The following ANKAR variants were observed in gnomAD, a reference collection of about 807,000 sequenced individuals.
ANKAR encodes ankyrin and armadillo repeat containing, also known as ankyrin and armadillo repeat-containing protein.
ANKAR carries 136 observed loss-of-function variants against 146.2 expected under a neutral mutation model. The ratio of observed to expected loss-of-function variants is 0.93; its 90% CI spans 0.81 to 1.07. The LOEUF is 1.07. ANKAR is among the 50% of genes least tolerant of loss of function. The probability of loss-of-function intolerance (pLI) is 0.00; values close to 1 mark genes in which losing one functional copy is unlikely to be tolerated. For synonymous variants in ANKAR, 500 were observed against 575.8 expected, an observed-to-expected ratio of 0.87 and a Z score of 1.88; for missense variants, 1,567 against 1,679.9, an observed-to-expected ratio of 0.93 and a Z score of 1.18.
At chr2:189,748,290 A>G (rs1187339228), downstream of ANKAR, among the ~76,000 whole-genome samples, 2 of 152,018 alleles carry the variant, frequency 1.3e-5, no homozygotes, top group East Asian at 1.9e-4. Flanking sequence ...GTAGCCTATA[A>G]CTCCTGGGTT....
rs971703420 is a variant in ANKAR, at chr2:189,702,293, A to G, written c.1709-2730A>G. On this transcript the variant is annotated intron_variant, in intron 7 of 22. Coordinates refer to ENST00000684021, the MANE Select transcript of ANKAR (RefSeq NM_001378068.1). ...GGAAGTATGAGGGGATTTTTCTTCA[A>G]TATTCACTGTGAGGACTTGATAAAA... 3.3e-5 allele frequency among the ~76,000 whole-genome samples: 5 copies of G among 152,154 alleles called. 1 individual carries two copies. The highest frequency in any genetic ancestry group is 7.4e-5 in the Non-Finnish European group (5 of 68,016).
chr2:189,727,928 TA>T lies in ANKAR; in HGVS notation c.2709del (p.Ile903MetfsTer23). 2 of 1,614,082 alleles carry T rather than the reference TA, an allele frequency of 1.2e-6. No homozygotes were observed. Among genetic ancestry groups the T allele is most frequent in the Non-Finnish European group, 1.7e-6 (2 of 1,179,978 alleles). Reference sequence around the variant, plus strand: ...GACAATAAGGAAATTCAGGATGCTATAGCTATGGAGGGAGCGATTCCTCCTC... The same window carrying T: ...GACAATAAGGAAATTCAGGATGCTATGCTATGGAGGGAGCGATTCCTCCTC... The part of the protein sequence containing the change: ...GRDNKEIQDA[I>X]AMEGAIPPLV... On this transcript the variant is annotated frameshift_variant, in exon 13 of 23. Transcript: ENST00000684021. LOFTEE classifies it high-confidence loss of function.
At chr2:189,744,819 C>T (rs1157607967) in intron 22 of ANKAR, 31 bp downstream of exon 22, 4 of 1,470,112 alleles carry the variant, frequency 2.7e-6, no homozygotes, top group African/African-American at 1.4e-5. Flanking sequence ...CTATGAAGTA[C>T]CTTCTAGCCC....
At chr2:189,719,478 C>T (rs2040983870) in intron 10 of ANKAR, 94 bp from the exon 11 acceptor site, 2 of 947,912 alleles carry the variant, frequency 2.1e-6, no homozygotes, top group South Asian at 3.2e-5. Flanking sequence ...ATTGCAATGC[C>T]CATAAATATT....
chr2:189,693,256 C>T, intron 5 of ANKAR, 79 bp downstream of exon 5: 1 of 897,558 alleles, frequency 1.1e-6, no homozygotes, highest in Non-Finnish European at 1.8e-6. Flanking sequence ...TGACAAAATG[C>T]AAAGGTTAAT....
chr2:189,715,598 C>T (rs2040354100), intron 10 of ANKAR, among the ~76,000 whole-genome samples: 1 of 152,192 alleles, frequency 6.6e-6, no homozygotes, highest in South Asian at 2.1e-4. Context: ...ATGAGGCCAG[C>T]ATCATCCTGA....
At chr2:189,761,496 T>G (rs761016322), downstream of ANKAR, 31 of 1,613,276 alleles carry the variant, frequency 1.9e-5, no homozygotes, top group Admixed American at 4.0e-4. Context: ...GCAGCTGCTG[T>G]ATCATCACAA....
intron 14 of ANKAR, 35 bp from the exon 15 acceptor site, chr2:189,728,625 G>T: frequency 6.2e-7 from 1 of 1,604,422 alleles, no homozygotes; most frequent in South Asian, 1.1e-5. Flanking sequence ...CAGGGCACTG[G>T]AGTATCATAC....
At chr2:189,762,714 T>C (rs940407854), downstream of ANKAR, 7 of 985,268 alleles carry the variant, frequency 7.1e-6, no homozygotes, top group African/African-American at 1.7e-5. Context: ...AGCTAGCACT[T>C]GTCTCCTTTC....
At chr2:189,692,142 A>G (rs912395432) in intron 3 of ANKAR, 113 bp from the exon 4 acceptor site, 4 of 890,526 alleles carry the variant, frequency 4.5e-6, no homozygotes, top group Non-Finnish European at 6.6e-6. Flanking sequence ...CAAGATTTTA[A>G]TTTCATCTGG....
At chr2:189,733,784 AAT>A (rs1250574674) in intron 17 of ANKAR, among the ~76,000 whole-genome samples, 8 of 152,022 alleles carry the variant, frequency 5.3e-5, no homozygotes, top group African/African-American at 1.7e-4. Flanking sequence ...TTTTCTCAGC[AAT>A]GTCCCTTTTT....
chr2:189,716,831 C>A (rs7603192), intron 10 of ANKAR, among the ~76,000 whole-genome samples: 58,655 of 151,240 alleles, frequency 0.39, 13,992 homozygotes, highest in African/African-American at 0.69. Context: ...CAAAAACAAG[C>A]AATGGGGAAA....
chr2:189,755,618 G>T, intron 18 of ANKAR: 1 of 1,521,128 alleles, frequency 6.6e-7, no homozygotes, highest in Non-Finnish European at 8.8e-7. Flanking sequence ...GAAGAAAAAT[G>T]ATATTACAGC....
chr2:189,677,645 T>G (rs888505811), intron 2 of ANKAR, among the ~76,000 whole-genome samples: 1 of 152,092 alleles, frequency 6.6e-6, no homozygotes, highest in African/African-American at 2.4e-5. Context: ...CTGAGTAGTA[T>G]TTCATGGTAT....
chr2:189,761,401 TA>T (rs1294582506), downstream of ANKAR: 2 of 1,575,480 alleles, frequency 1.3e-6, no homozygotes, highest in East Asian at 4.5e-5. Context: ...TGGAAATGAC[TA>T]AGATAATGTC....
intron 12 of ANKAR, among the ~76,000 whole-genome samples, chr2:189,726,869 A>G (rs956397783): frequency 6.6e-6 from 1 of 152,210 alleles, no homozygotes; most frequent in Non-Finnish European, 1.5e-5. Flanking sequence ...AAAGTAAATT[A>G]TATAGATAAA....
chr2:189,751,602 G>A (rs1364263246), downstream of ANKAR, among the ~76,000 whole-genome samples: 1 of 151,312 alleles, frequency 6.6e-6, no homozygotes, highest in African/African-American at 2.4e-5. Flanking sequence ...CTGCCACTAC[G>A]CCTGGCTAAT....
chr2:189,705,877 C>T (rs1276513340), intron 8 of ANKAR, among the ~76,000 whole-genome samples: 1 of 152,008 alleles, frequency 6.6e-6, no homozygotes, highest in Non-Finnish European at 1.5e-5. Context: ...CAGGTCATTA[C>T]TTTGGATCTC....
rs1156458763 is a variant in ANKAR at position 189,705,116 on chromosome 2, A to C, written c.1802A>C (p.Lys601Thr). The C allele has an allele frequency of 6.2e-7, 1 of 1,614,156 alleles. No homozygotes were observed. The highest frequency in any genetic ancestry group is 8.5e-7 in the Non-Finnish European group (1 of 1,180,014). ...CSKADYTLSE[K>T]RGWMPIHFAA... is the part of the protein sequence containing the mutation. ...AAAGCTGATTACACGCTTTCTGAAAAAAGAGGCTGGATGCCGATTCACTTT... is the reference window on the plus strand; with the variant it reads ...AAAGCTGATTACACGCTTTCTGAAACAAGAGGCTGGATGCCGATTCACTTT... The change falls in exon 8 of 23, where the codon AAA (lysine) becomes ACA (threonine). Residue 601 changes from lysine to threonine, a missense_variant. Transcript: ENST00000684021.
Sources: gnomAD v4.1 joint callset for allele counts (sites outside exome capture counted in the v4.1 genomes callset) on GRCh38, gnomAD v4.1.1 for gene constraint, MANE v1.5 for transcripts, NCBI Gene and HGNC (gene_info 2026-07-23, HGNC 2026-07-21) for gene names.